ARFGEF1: variants seen among roughly 807,000 people sequenced by gnomAD.
ARFGEF1 encodes the protein brefeldin A-inhibited guanine nucleotide-exchange protein 1.
Under a neutral mutation model 231.0 loss-of-function variants are expected in ARFGEF1, and 42 were observed. The observed-to-expected ratio is 0.18, with a 90% confidence interval of 0.14 to 0.24. The LOEUF is 0.24. Ranked by LOEUF, ARFGEF1 falls within the 10% of genes least tolerant of loss-of-function variation. ARFGEF1 has a pLI of 1.00. For missense variants in ARFGEF1, 1,345 were observed against 2,192.0 expected (o/e 0.61, Z 7.72); for synonymous variants, 710 against 732.3 (o/e 0.97, Z 0.49).
intron 10 of ARFGEF1, 46 bp from the exon 11 acceptor site, chr8:67,267,488 A>ATATG: frequency 8.0e-7 from 1 of 1,252,710 alleles, no homozygotes; most frequent in Non-Finnish European, 1.2e-6. Context: ...TTTAGAATTC[A>ATATG]TATGTGTGAT....
intron 1 of ARFGEF1, among the ~76,000 whole-genome samples, chr8:67,307,907 G>T (rs1212900227): frequency 6.6e-6 from 1 of 152,184 alleles, no homozygotes; most frequent in Non-Finnish European, 1.5e-5. Flanking sequence ...GCTGAGGTTA[G>T]GTCAGAAAGG....
At chr8:67,252,458 A>G (rs560927988) in intron 18 of ARFGEF1, among the ~76,000 whole-genome samples, 126 of 152,024 alleles carry the variant, frequency 8.3e-4, no homozygotes, top group Middle Eastern at 6.8e-3. Context: ...ATTTCCTACC[A>G]CCATATATAA....
chr8:67,206,025 C>T (rs1838502080), intron 34 of ARFGEF1, among the ~76,000 whole-genome samples: 2 of 152,170 alleles, frequency 1.3e-5, no homozygotes, highest in African/African-American at 2.4e-5. Context: ...GGTTTGGCCA[C>T]AGCACATGTT....
At chr8:67,264,186 T>C (rs1563873404) in intron 14 of ARFGEF1, among the ~76,000 whole-genome samples, 1 of 151,938 alleles carries the variant, frequency 6.6e-6, no homozygotes, top group Non-Finnish European at 1.5e-5. Flanking sequence ...GGGAAAAGAC[T>C]GAAGAATGAA....
At chr8:67,305,080 C>T (rs1469923738) in intron 1 of ARFGEF1, among the ~76,000 whole-genome samples, 6 of 152,042 alleles carry the variant, frequency 3.9e-5, no homozygotes, top group Admixed American at 3.9e-4. Context: ...AAATTATACG[C>T]TAACTAGGAA....
At chr8:67,276,263 T>C (rs1173416283) in intron 8 of ARFGEF1, among the ~76,000 whole-genome samples, 154 bp from the exon 9 acceptor site, 1 of 152,158 alleles carries the variant, frequency 6.6e-6, no homozygotes, top group Non-Finnish European at 1.5e-5. Context: ...ACGTTGTTTT[T>C]CTTTTATACT....
chr8:67,272,153 A>G (rs1805123011), intron 9 of ARFGEF1, among the ~76,000 whole-genome samples: 1 of 152,180 alleles, frequency 6.6e-6, no homozygotes, highest in South Asian at 2.1e-4. Context: ...TGAACCATAT[A>G]TTTATAATTT....
Position 67,198,468 on chromosome 8 carries a change from AG to A in ARFGEF1, c.*465del. On this transcript the variant is annotated 3_prime_UTR_variant, in exon 39 of 39. Transcript: ENST00000262215. ...TGAGTGTGCAAAAATCTTCAGAATA[AG>A]AATACCATAGTTGCTAAATATCTTT... The A allele has an allele frequency of 3.0e-6, 3 of 987,554 alleles. No individual in the cohort carries two copies. The highest frequency in any genetic ancestry group is 3.6e-6 in the Non-Finnish European group (3 of 831,222). 61.2% of individuals were successfully genotyped at this position (987,554 alleles called of 1,614,324 possible). A position where few individuals can be genotyped will look rare whatever the true frequency, so the allele number is the denominator to read the frequency against.
At chr8:67,222,227 A>ATATG (rs35826179) in intron 29 of ARFGEF1, among the ~76,000 whole-genome samples, 51,926 of 114,616 alleles carry the variant, frequency 0.45, 12,536 homozygotes, top group Non-Finnish European at 0.51. Context: ...ATATATATGT[A>ATATG]TATGTATGTA....
intron 19 of ARFGEF1, among the ~76,000 whole-genome samples, chr8:67,248,822 A>G (rs780966380): frequency 6.6e-6 from 1 of 150,558 alleles, no homozygotes; most frequent in Non-Finnish European, 1.5e-5. Context: ...TAGGACGGTC[A>G]TGCCTGCTTA....
At chr8:67,309,858 T>C (rs1219397601) in intron 1 of ARFGEF1, among the ~76,000 whole-genome samples, 1 of 152,206 alleles carries the variant, frequency 6.6e-6, no homozygotes, top group Admixed American at 6.5e-5. Context: ...ATATATGTTA[T>C]GAAAATAAAA....
At chr8:67,322,696 C>A (rs148265058) in intron 1 of ARFGEF1, among the ~76,000 whole-genome samples, 5 of 152,280 alleles carry the variant, frequency 3.3e-5, no homozygotes, top group African/African-American at 1.2e-4. Flanking sequence ...CAAAGTGAGA[C>A]CGTCTCTTAA....
In ARFGEF1 at chr8:67,291,776, C is replaced by G. The variant is rs1003740284; in HGVS notation, c.916+71G>C. On this transcript the variant is annotated intron_variant, in intron 6 of 38. Coordinates refer to ENST00000262215, the MANE Select transcript of ARFGEF1 (RefSeq NM_006421.5). ...AAATCATATTATCCTTTCAACATTT[C>G]TTCATCAAAACTCTCATTCCTACAC... 18 of 1,522,772 alleles carry G rather than the reference C, an allele frequency of 1.2e-5. No homozygotes were observed. The African/African-American group carries it at 1.7e-4, about 14-fold the overall frequency. 94.3% of individuals were successfully genotyped at this position (1,522,772 alleles called of 1,614,324 possible).
chr8:67,333,474 T>A (rs1414595009), intron 1 of ARFGEF1, among the ~76,000 whole-genome samples: 1 of 148,746 alleles, frequency 6.7e-6, no homozygotes, highest in Non-Finnish European at 1.5e-5. Context: ...ACCCAGTAAT[T>A]TTTTTTTTTT....
chr8:67,188,124 G>A (rs1835192695), intron 5 of ARFGEF1, among the ~76,000 whole-genome samples: 1 of 152,182 alleles, frequency 6.6e-6, no homozygotes, highest in African/African-American at 2.4e-5. Context: ...GAAATTATTT[G>A]CAAAAGACAT....
intron 1 of ARFGEF1, among the ~76,000 whole-genome samples, chr8:67,329,577 A>AAATAAAT (rs1563919118): frequency 2.0e-5 from 3 of 147,346 alleles, no homozygotes; most frequent in Admixed American, 6.7e-5. Flanking sequence ...AATAAATAAA[A>AAATAAAT]AGAATTTTTT....
At chr8:67,343,029 G>C in intron 1 of ARFGEF1, 135 bp downstream of exon 1, 1 of 1,047,104 alleles carries the variant, frequency 9.6e-7, no homozygotes, top group Non-Finnish European at 1.4e-6. Flanking sequence ...ACAGGGAACA[G>C]AGGGCTCCGC....
rs567430578 is a variant in ARFGEF1, at chr8:67,191,408, G to A, written c.560+8988C>T. On this transcript the variant is annotated intron_variant, in intron 5 of 5. Transcript: ENST00000518789. Reference sequence around the variant, plus strand: ...CCAAGTAACAGATGTTGCTATTAGCGTTATTATATGTACAGCATTACCAGG... The same window carrying A: ...CCAAGTAACAGATGTTGCTATTAGCATTATTATATGTACAGCATTACCAGG... 1.2e-3 allele frequency among the ~76,000 whole-genome samples: 184 copies of A among 152,324 alleles called. 3 individuals carry two copies. The South Asian group carries it at 0.017, about 14-fold the overall frequency.
chr8:67,196,540 A>ACTT (rs1330505175), downstream of ARFGEF1, among the ~76,000 whole-genome samples: 2 of 152,190 alleles, frequency 1.3e-5, no homozygotes, highest in African/African-American at 4.8e-5. Flanking sequence ...CTCTAATAAT[A>ACTT]CTTCCTCTGA....
Sources: allele counts gnomAD v4.1 joint callset (sites outside exome capture counted in the v4.1 genomes callset), GRCh38; gene constraint gnomAD v4.1.1; transcripts MANE v1.5; gene names NCBI Gene and HGNC (gene_info 2026-07-23, HGNC 2026-07-21).